OVCH1: variants seen among roughly 807,000 people sequenced by gnomAD.
OVCH1 encodes the protein ovochymase 1, also known as ovochymase-1.
A neutral mutation model predicts 138.4 loss-of-function variants in OVCH1; 139 were observed. The observed-to-expected ratio is 1.00, with a 90% CI of 0.87 to 1.16. The LOEUF (loss-of-function observed/expected upper bound fraction) is 1.16. Ranked by LOEUF, OVCH1 falls within the 50% of genes most tolerant of loss-of-function variation. The pLI, the probability that OVCH1 is intolerant of heterozygous loss-of-function variation, is 0.00. For synonymous variants in OVCH1, 453 were observed against 467.8 expected, an observed-to-expected ratio of 0.97 and a Z score of 0.41; for missense variants, 1,367 against 1,357.9, an observed-to-expected ratio of 1.01 and a Z score of -0.11.
chr12:29,495,602 C>T, intron 3 of OVCH1, 145 bp from the exon 4 acceptor site: 1 of 702,250 alleles, frequency 1.4e-6, no homozygotes, highest in South Asian at 2.1e-5. Context: ...TTGAGTATTA[C>T]CAATGGTCAT....
rs1177257783 is a variant in OVCH1, at chr12:29,464,677, A to C, written c.1955T>G (p.Val652Gly). Residue 652 changes from valine (V) to glycine (G), a missense_variant, in exon 18 of 28, where the codon GTG becomes GGG. Val to Gly is a moderately radical substitution (Grantham distance 109). Transcript: ENST00000318184. ...ACTTAGTGTGTTAAAGTCTTCATGC[A>C]CTATTATGTGTTTGGCCCTTCTCAC... 1.9e-6 allele frequency: 3 copies of C among 1,613,446 alleles called. No homozygotes were observed. In the East Asian group the frequency reaches 6.7e-5, roughly 36 times the overall value.
At chr12:29,441,311 C>T (rs12314430) in intron 25 of OVCH1, among the ~76,000 whole-genome samples, 6,577 of 152,066 alleles carry the variant, frequency 0.043, 443 homozygotes, top group African/African-American at 0.14. Flanking sequence ...TCAGAAATAA[C>T]GCCACATATC....
intron 5 of OVCH1, among the ~76,000 whole-genome samples, chr12:29,490,671 A>G (rs188726389): frequency 1.3e-5 from 2 of 152,300 alleles, no homozygotes; most frequent in African/African-American, 2.4e-5. Context: ...TTGTCATACA[A>G]TTCCACATTT....
chr12:29,469,393 C>G (rs1942426405), intron 16 of OVCH1, among the ~76,000 whole-genome samples: 1 of 152,062 alleles, frequency 6.6e-6, no homozygotes, highest in South Asian at 2.1e-4. Context: ...ATGAGGTCTC[C>G]TCAAAATGAC....
At chr12:29,482,803 ACTGT>A (rs1331434071) in intron 8 of OVCH1, among the ~76,000 whole-genome samples, 4 of 152,302 alleles carry the variant, frequency 2.6e-5, no homozygotes, top group Admixed American at 6.5e-5. Context: ...GAAATGCTTA[ACTGT>A]CTAAGTTGGG....
chr12:29,461,959 T>C, exon 19 of OVCH1: 1 of 1,613,836 alleles, frequency 6.2e-7, no homozygotes. Context: ...AGACCTCTCT[T>C]TCTAACACAT....
intron 3 of OVCH1, among the ~76,000 whole-genome samples, chr12:29,413,024 CTTTT>C (rs35540929): frequency 7.1e-6 from 1 of 140,926 alleles, no homozygotes; most frequent in East Asian, 2.1e-4. Context: ...CCAGCTAATT[CTTTT>C]TTTTTTTTTT....
intron 8 of OVCH1, among the ~76,000 whole-genome samples, chr12:29,479,238 AT>A (rs1253644915): frequency 6.6e-6 from 1 of 152,054 alleles, no homozygotes; most frequent in Non-Finnish European, 1.5e-5. Flanking sequence ...TGATGTATAA[AT>A]TGAAGAAACC....
At chr12:29,475,148 A>G (rs1942660710) in exon 14 of OVCH1, 5 of 1,542,754 alleles carry the variant, frequency 3.2e-6, no homozygotes, top group Middle Eastern at 1.8e-4. Context: ...ATGTTACTAG[A>G]ACTGAATATT....
intron 8 of OVCH1, among the ~76,000 whole-genome samples, chr12:29,479,824 C>CTTTTTTTTTTT (rs34551074): frequency 3.1e-5 from 4 of 128,380 alleles, no homozygotes; most frequent in Non-Finnish European, 4.9e-5. Context: ...TCTTTTTTTT[C>CTTTTTTTTTTT]TTTTTTTTTT....
At position 29,433,750 on chromosome 12, in the gene OVCH1, C is replaced by G. The variant is rs1028637572; in HGVS notation, c.3327+1G>C. The G allele has an allele frequency of 1.4e-6, 2 of 1,425,510 alleles. No individual in the cohort carries two copies. Among genetic ancestry groups the G allele is most frequent in the Non-Finnish European group, 1.9e-6 (2 of 1,059,880 alleles). 88.3% of individuals were successfully genotyped at this position (1,425,510 alleles called of 1,614,324 possible). ...ATGTTAGTCCCTTATGATATACTTA[C>G]ATAACTTAAATTTGATGCAAATTTC... On this transcript the variant is annotated splice_donor_variant, in intron 27 of 27. Coordinates refer to ENST00000318184, the Ensembl canonical transcript of OVCH1. LOFTEE classifies it high-confidence loss of function.
intron 26 of OVCH1, among the ~76,000 whole-genome samples, chr12:29,435,153 C>T (rs1173355213): frequency 6.6e-6 from 1 of 152,154 alleles, no homozygotes; most frequent in Admixed American, 6.5e-5. Context: ...AATTGCCACA[C>T]AAGTCAAACC....
intron 8 of OVCH1, among the ~76,000 whole-genome samples, chr12:29,481,473 T>C (rs1208881053): frequency 1.8e-4 from 28 of 152,188 alleles, no homozygotes; most frequent in Admixed American, 1.7e-3. Flanking sequence ...TTAACTATTT[T>C]ATCTCTACTT....
intron 21 of OVCH1, among the ~76,000 whole-genome samples, chr12:29,452,310 C>T (rs956699031): frequency 1.3e-5 from 2 of 152,044 alleles, no homozygotes; most frequent in South Asian, 2.1e-4. Context: ...GGAGGAGGTA[C>T]GTAAACATGC....
At chr12:29,473,721 G>C (rs941189364) in intron 14 of OVCH1, among the ~76,000 whole-genome samples, 1 of 152,098 alleles carries the variant, frequency 6.6e-6, no homozygotes, top group Admixed American at 6.6e-5. Flanking sequence ...AACTTGATTG[G>C]ATTGAGGGAC....
intron 27 of OVCH1, among the ~76,000 whole-genome samples, chr12:29,431,553 A>G (rs929967813): frequency 4.7e-5 from 7 of 149,824 alleles, no homozygotes; most frequent in Non-Finnish European, 8.9e-5. Flanking sequence ...ATTTTATACC[A>G]TTACAACATT....
At chr12:29,453,486 C>T (rs1418210426) in intron 21 of OVCH1, among the ~76,000 whole-genome samples, 2 of 152,132 alleles carry the variant, frequency 1.3e-5, no homozygotes, top group African/African-American at 4.8e-5. Flanking sequence ...AGCCCCTAGA[C>T]ACTTGATCAG....
chr12:29,465,541 G>A (rs1942285762), intron 16 of OVCH1, among the ~76,000 whole-genome samples: 1 of 152,028 alleles, frequency 6.6e-6, no homozygotes, highest in Non-Finnish European at 1.5e-5. Context: ...AGGTAGGGAG[G>A]GAAACCACCC....
At chr12:29,435,119 A>AATTT (rs1384967065) in intron 26 of OVCH1, among the ~76,000 whole-genome samples, 1 of 152,170 alleles carries the variant, frequency 6.6e-6, no homozygotes, top group Non-Finnish European at 1.5e-5. Flanking sequence ...ACAGTGGCCA[A>AATTT]ATTTATAACA....
Sources: allele counts gnomAD v4.1 joint callset (sites outside exome capture counted in the v4.1 genomes callset), GRCh38; gene constraint gnomAD v4.1.1; transcripts MANE v1.5; gene names NCBI Gene and HGNC (gene_info 2026-07-23, HGNC 2026-07-21).